Variants in HOMER2 observed in about 807,000 individuals in gnomAD.
HOMER2 encodes the protein homer protein homolog 2.
Under a neutral mutation model 47.0 loss-of-function variants are expected in HOMER2, and 27 were observed. The ratio of observed to expected loss-of-function variants is 0.57; its 90% CI spans 0.42 to 0.79. The LOEUF is 0.79. Among genes scored for constraint, HOMER2 ranks in the 30% least tolerant of loss-of-function variants. The pLI is 0.00. For synonymous variants in HOMER2, 161 were observed against 163.8 expected (o/e 0.98, Z 0.13); for missense variants, 443 against 435.0 (o/e 1.02, Z -0.16).
intron 1 of HOMER2, among the ~76,000 whole-genome samples, chr15:82,906,298 A>C: frequency 6.6e-6 from 1 of 152,254 alleles, no homozygotes; most frequent in East Asian, 1.9e-4. Context: ...CGGGCAACAA[A>C]TAGAAAACAG....
At chr15:82,955,129 CA>C (rs2054575632), upstream of HOMER2, among the ~76,000 whole-genome samples, 1 of 150,928 alleles carries the variant, frequency 6.6e-6, no homozygotes, top group African/African-American at 2.4e-5. Context: ...AAATTGATTT[CA>C]AAACCTATAA....
intron 1 of HOMER2, among the ~76,000 whole-genome samples, chr15:82,973,508 C>A (rs1010359638): frequency 6.6e-6 from 1 of 152,086 alleles, no homozygotes; most frequent in Non-Finnish European, 1.5e-5. Flanking sequence ...ATAATGGTAG[C>A]GCTAGTAGTC....
chr15:82,849,437 T>G lies in HOMER2; in HGVS notation c.*278A>C. ...TGGTTGCAACAGCCCTTATGAAAGA[T>G]ATAAACATCCCTGCCCTGACTGCAT... is the stretch of plus-strand genomic sequence containing the variant. On this transcript the variant is annotated 3_prime_UTR_variant, in exon 9 of 9. Coordinates refer to ENST00000450735, the MANE Select transcript of HOMER2 (RefSeq NM_004839.4). 1 of 424,302 alleles carries G rather than the reference T, an allele frequency of 2.4e-6. No individual in the cohort carries two copies. Among genetic ancestry groups the G allele is most frequent in the Non-Finnish European group, 4.2e-6 (1 of 238,234 alleles). The allele number at this position is 424,302 out of a possible 1,614,324, so 26.3% of individuals were successfully genotyped here.
Position 82,851,186 on chromosome 15 carries a change from T to A in HOMER2, c.808A>T (p.Met270Leu), listed in dbSNP as rs565178535. 1.3e-6 allele frequency: 2 copies of A among 1,574,912 alleles called. No homozygotes were observed. Among genetic ancestry groups the A allele is most frequent in the African/African-American group, 2.7e-5 (2 of 74,386 alleles). Residue 270 changes from methionine to leucine, a missense_variant, in exon 8 of 9, where the codon ATG becomes TTG. By Grantham distance (15) the Met-to-Leu change is conservative. Coordinates refer to ENST00000450735, the MANE Select transcript of HOMER2 (RefSeq NM_004839.4). ...RKQSEIIPQL[M>L]SECEYVSEKL... ...TCAGAGACATATTCGCACTCTGACA[T>A]GAGCTGAGGTATGATTTCACTTTGT... is the stretch of plus-strand genomic sequence containing the variant.
At chr15:82,924,823 A>T (rs79884938) in intron 1 of HOMER2, among the ~76,000 whole-genome samples, 1 of 152,194 alleles carries the variant, frequency 6.6e-6, no homozygotes, top group Non-Finnish European at 1.5e-5. Context: ...AACAGAAAGG[A>T]AAAAAAGATT....
At chr15:82,972,666 G>C (rs369767967) in intron 1 of HOMER2, among the ~76,000 whole-genome samples, 125 of 152,070 alleles carry the variant, frequency 8.2e-4, no homozygotes, top group African/African-American at 2.9e-3. Context: ...TAGGCAACGA[G>C]AGCAAAACTC....
intron 1 of HOMER2, among the ~76,000 whole-genome samples, chr15:82,916,175 G>A (rs1360918712): frequency 1.3e-5 from 2 of 152,220 alleles, no homozygotes; most frequent in Admixed American, 1.3e-4. Flanking sequence ...GAATTCATGG[G>A]TTCCAGAATT....
chr15:82,851,304 G>A (rs887563103), intron 7 of HOMER2, 73 bp from the exon 8 acceptor site: 1 of 1,022,850 alleles, frequency 9.8e-7, no homozygotes, highest in Non-Finnish European at 1.5e-6. Context: ...TCACCAATGT[G>A]TGCACGCTCG....
intron 2 of HOMER2, 28 bp downstream of exon 2, chr15:82,892,657 G>A: frequency 1.4e-6 from 2 of 1,461,832 alleles, no homozygotes; most frequent in Non-Finnish European, 1.8e-6. Flanking sequence ...GCAACTGGGA[G>A]TATTAAAATC....
At chr15:82,951,043 AAAG>A (rs1287646785) in intron 1 of HOMER2, among the ~76,000 whole-genome samples, 20 of 152,108 alleles carry the variant, frequency 1.3e-4, no homozygotes, top group Non-Finnish European at 7.4e-5. Flanking sequence ...ACATTTTTTT[AAAG>A]TATGAAATCT....
At chr15:82,984,864 C>T (rs1289492129) in intron 1 of HOMER2, among the ~76,000 whole-genome samples, 2 of 152,154 alleles carry the variant, frequency 1.3e-5, no homozygotes, top group Non-Finnish European at 2.9e-5. Context: ...GTTATACACT[C>T]CAGAATGTAG....
chr15:82,916,528 T>C (rs1884850846), intron 1 of HOMER2, among the ~76,000 whole-genome samples: 1 of 152,148 alleles, frequency 6.6e-6, no homozygotes, highest in Non-Finnish European at 1.5e-5. Context: ...CTTGCTGCAA[T>C]GAGAAGTCTT....
chr15:82,922,873 G>A (rs534334131), intron 1 of HOMER2, among the ~76,000 whole-genome samples: 5 of 152,186 alleles, frequency 3.3e-5, no homozygotes, highest in South Asian at 2.1e-4. Context: ...TGTGCTTTCC[G>A]AGGAGCTGTG....
intron 1 of HOMER2, among the ~76,000 whole-genome samples, chr15:82,973,188 T>C (rs898173263): frequency 6.6e-6 from 1 of 152,220 alleles, no homozygotes; most frequent in African/African-American, 2.4e-5. Flanking sequence ...ATCTGCATTC[T>C]AGTCTCTCAC....
chr15:82,933,127 T>TAA (rs138880202), intron 1 of HOMER2, among the ~76,000 whole-genome samples: 36 of 133,900 alleles, frequency 2.7e-4, no homozygotes, highest in African/African-American at 6.7e-4. Flanking sequence ...GAAAATCTGA[T>TAA]AAAAAAAAAA....
intron 3 of HOMER2, among the ~76,000 whole-genome samples, chr15:82,867,918 C>T (rs1596312328): frequency 6.6e-6 from 1 of 152,202 alleles, no homozygotes; most frequent in South Asian, 2.1e-4. Flanking sequence ...GAGAAACTTC[C>T]TCTCAAAGCC....
chr15:82,912,205 C>T (rs1236457696), intron 1 of HOMER2, among the ~76,000 whole-genome samples: 2 of 152,196 alleles, frequency 1.3e-5, no homozygotes, highest in Non-Finnish European at 2.9e-5. Flanking sequence ...AGGGCATTTT[C>T]AGAGCACCCC....
chr15:82,943,562 T>C (rs999282836), intron 1 of HOMER2, among the ~76,000 whole-genome samples: 1 of 152,212 alleles, frequency 6.6e-6, no homozygotes. Flanking sequence ...CTAAAACAAC[T>C]CTTCGTTTTT....
chr15:82,849,821 C>T lies in HOMER2; in HGVS notation c.926G>A (p.Arg309His). ...GCTCTTCAACTCCACCTTCAGGTGG[C>T]GCTGTCGGTATTTGCTCTCCTCAAT... ...TDIEESKYRQRHLKVELKSFL... is the reference protein window; with the variant it reads ...TDIEESKYRQHHLKVELKSFL... Residue 309 changes from arginine to histidine, a missense_variant, in exon 9 of 9, where the codon CGC (arginine) becomes CAC (histidine). Arg to His is a conservative substitution (Grantham distance 29). Transcript: ENST00000450735. The T allele has an allele frequency of 3.7e-6, 6 of 1,613,846 alleles. No individual in the cohort carries two copies. The highest frequency in any genetic ancestry group is 3.3e-5 in the South Asian group (3 of 91,086).
Sources: allele counts gnomAD v4.1 joint callset (sites outside exome capture counted in the v4.1 genomes callset), GRCh38; gene constraint gnomAD v4.1.1; transcripts MANE v1.5; gene names NCBI Gene and HGNC (gene_info 2026-07-23, HGNC 2026-07-21).